Variants in BTBD1 observed in about 807,000 individuals in gnomAD.
BTBD1 encodes the protein BTB/POZ domain-containing protein 1.
BTBD1 carries 34 observed loss-of-function variants against 48.0 expected under a neutral mutation model. That is an observed-to-expected ratio of 0.71 (90% CI 0.54 to 0.94). The LOEUF is 0.94. BTBD1 is among the 40% of genes least tolerant of loss of function. BTBD1 has a pLI of 0.00. For missense variants in BTBD1, 543 were observed against 625.6 expected (o/e 0.87, Z 1.41); for synonymous variants, 261 against 242.1 (o/e 1.08, Z -0.72).
At chr15:83,059,634 G>A (rs2033145783) in intron 1 of BTBD1, among the ~76,000 whole-genome samples, 1 of 152,246 alleles carries the variant, frequency 6.6e-6, no homozygotes, top group African/African-American at 2.4e-5. Flanking sequence ...TCCGGGTGGA[G>A]AGTGGTGGCA....
intron 4 of BTBD1, among the ~76,000 whole-genome samples, chr15:83,036,103 C>CAAAAAAAA (rs563839312): frequency 3.2e-4 from 24 of 75,076 alleles, no homozygotes; most frequent in South Asian, 5.8e-4. Context: ...GTATCATTAC[C>CAAAAAAAA]AAAAAAAAAA....
chr15:83,053,400 G>T (rs983357692), intron 2 of BTBD1, among the ~76,000 whole-genome samples: 1 of 150,064 alleles, frequency 6.7e-6, no homozygotes, highest in Non-Finnish European at 1.5e-5. Context: ...ATACTGAAAA[G>T]TTTTTTTTTT....
chr15:83,039,434 A>G (rs947538837), intron 4 of BTBD1, among the ~76,000 whole-genome samples: 1 of 152,110 alleles, frequency 6.6e-6, no homozygotes, highest in Admixed American at 6.6e-5. Context: ...AATGTAGATA[A>G]GGTTAGCCAT....
Position 83,020,702 on chromosome 15 carries a change from G to A in BTBD1, c.1116C>T (p.Gly372=). ...GTATATTCACTTGATAATCTGTAGG[G>A]CCATGAATAGATCCATACAAGCCAA... is the stretch of plus-strand genomic sequence containing the variant. ...VGFGLYGSIH[G]PTDYQVNIQI... The change falls in exon 6 of 8, where the codon GGC becomes GGT. Residue 372 remains glycine, a synonymous_variant. Coordinates refer to ENST00000261721, the MANE Select transcript of BTBD1 (RefSeq NM_025238.4). The A allele has an allele frequency of 6.2e-7, 1 of 1,606,726 alleles. No homozygotes were observed. The highest frequency in any genetic ancestry group is 8.5e-7 in the Non-Finnish European group (1 of 1,173,764).
chr15:83,055,502 C>T (rs554107064), intron 2 of BTBD1, among the ~76,000 whole-genome samples: 4 of 152,310 alleles, frequency 2.6e-5, no homozygotes, highest in African/African-American at 4.8e-5. Flanking sequence ...AAGTGATCCG[C>T]CCACCTGGCC....
At position 83,041,771 on chromosome 15, in the gene BTBD1, G is replaced by T; in HGVS notation, c.819C>A (p.Ser273=). 1.2e-6 allele frequency: 2 copies of T among 1,614,152 alleles called. No homozygotes were observed. The highest frequency in any genetic ancestry group is 2.2e-5 in the South Asian group (2 of 91,074). Residue 273 remains serine (S), a synonymous_variant, in exon 4 of 8, where the codon TCC becomes TCA. Coordinates refer to ENST00000261721, the MANE Select transcript of BTBD1 (RefSeq NM_025238.4). ...NKQKVLGKAL[S]LIRFPLMTIE... ...TTGTCATCAGTGGGAACCGGATTAA[G>T]GAAAGTGCTTTTCCTAGAACTTTTT...
rs184980550 is a variant in BTBD1, at chr15:83,017,774, A to T, written c.*293T>A. 80 of 178,008 alleles carry T rather than the reference A, an allele frequency of 4.5e-4. No individual in the cohort carries two copies. The highest frequency in any genetic ancestry group is 1.6e-3 in the African/African-American group (67 of 42,618). The allele number at this position is 178,008 out of a possible 1,614,324, so 11.0% of individuals were successfully genotyped here. A position where few individuals can be genotyped will look rare whatever the true frequency, so the allele number is the denominator to read the frequency against. ...AATCTTTCAATTCCCAAACTATTGA[A>T]AGACCCTAAGTCAGCCAATCTATGA... On this transcript the variant is annotated 3_prime_UTR_variant, in exon 8 of 8. Transcript: ENST00000261721.
At chr15:83,022,858 G>T (rs1002170351) in intron 5 of BTBD1, among the ~76,000 whole-genome samples, 1 of 151,864 alleles carries the variant, frequency 6.6e-6, no homozygotes, top group African/African-American at 2.4e-5. Flanking sequence ...CTACTCAGGA[G>T]GCTGAAGCAG....
chr15:83,021,863 C>A (rs1476305895), intron 5 of BTBD1, among the ~76,000 whole-genome samples: 1 of 151,990 alleles, frequency 6.6e-6, no homozygotes, highest in African/African-American at 2.4e-5. Context: ...GTCAGCAACA[C>A]CTTCAATTAT....
chr15:83,027,097 T>TA (rs1282024445), intron 5 of BTBD1, among the ~76,000 whole-genome samples: 1 of 152,158 alleles, frequency 6.6e-6, no homozygotes, highest in East Asian at 1.9e-4. Flanking sequence ...GTCACACCTG[T>TA]AACCCAGCAC....
chr15:83,031,465 C>T (rs190211519), intron 4 of BTBD1, among the ~76,000 whole-genome samples: 19 of 152,260 alleles, frequency 1.2e-4, no homozygotes, highest in South Asian at 2.1e-4. Flanking sequence ...ATGATGAGTT[C>T]GTGTCCTTTA....
At chr15:83,054,049 A>G (rs1185009569) in intron 2 of BTBD1, among the ~76,000 whole-genome samples, 1 of 152,004 alleles carries the variant, frequency 6.6e-6, no homozygotes, top group African/African-American at 2.4e-5. Flanking sequence ...GAGAATAAGG[A>G]GATAATAGGC....
At chr15:83,040,246 G>T (rs1209259912) in intron 4 of BTBD1, among the ~76,000 whole-genome samples, 2 of 152,080 alleles carry the variant, frequency 1.3e-5, no homozygotes, top group Admixed American at 1.3e-4. Context: ...AAGAGGAAGG[G>T]ACAGAAGGGG....
In BTBD1 at chr15:83,019,096, G is replaced by T. The variant is rs373531931; in HGVS notation, c.1144-243C>A. ...TTTTTGAGACAGACTCTCTCACTCTGTTGCCTAGCCTGGGGTGCAGTGTTG... is the reference window on the plus strand; with the variant it reads ...TTTTTGAGACAGACTCTCTCACTCTTTTGCCTAGCCTGGGGTGCAGTGTTG... On this transcript the variant is annotated intron_variant, in intron 6 of 7. Transcript: ENST00000261721. Among the ~76,000 whole-genome samples the T allele has an allele frequency of 4.6e-5, 7 of 151,670 alleles. No homozygotes were observed. In the South Asian group the frequency reaches 1.5e-3, roughly 32 times the overall value.
intron 2 of BTBD1, among the ~76,000 whole-genome samples, chr15:83,051,565 T>C (rs1433433393): frequency 3.3e-5 from 5 of 151,032 alleles, no homozygotes; most frequent in Admixed American, 3.3e-4. Context: ...ACTTCCTAGA[T>C]TATACACTGA....
intron 2 of BTBD1, among the ~76,000 whole-genome samples, chr15:83,053,671 T>C (rs1446528433): frequency 6.6e-6 from 1 of 152,240 alleles, no homozygotes; most frequent in Non-Finnish European, 1.5e-5. Context: ...AACTTATTTA[T>C]TAGATTTTAA....
chr15:83,022,929 C>T (rs987055238), intron 5 of BTBD1, among the ~76,000 whole-genome samples: 1 of 152,034 alleles, frequency 6.6e-6, no homozygotes, highest in East Asian at 1.9e-4. Flanking sequence ...CACTGCACTC[C>T]AGCCTGGGCA....
intron 6 of BTBD1, 45 bp from the exon 7 acceptor site, chr15:83,018,898 A>T (rs1185597422): frequency 1.3e-6 from 2 of 1,527,218 alleles, no homozygotes; most frequent in East Asian, 4.6e-5. Context: ...AAACCAAATA[A>T]AGCAAACTAT....
intron 7 of BTBD1, 107 bp downstream of exon 7, chr15:83,018,600 C>G: frequency 7.9e-7 from 1 of 1,265,042 alleles, no homozygotes; most frequent in Non-Finnish European, 1.1e-6. Flanking sequence ...AGCTTCTTTT[C>G]CCCCCTCTTT....
Sources: allele counts gnomAD v4.1 joint callset (sites outside exome capture counted in the v4.1 genomes callset), GRCh38; gene constraint gnomAD v4.1.1; transcripts MANE v1.5; gene names NCBI Gene and HGNC (gene_info 2026-07-23, HGNC 2026-07-21).